DPYSL2: variants seen among roughly 807,000 people sequenced by gnomAD.
The protein encoded by DPYSL2 is dihydropyrimidinase like 2.
DPYSL2 carries 13 observed loss-of-function variants against 69.9 expected under a neutral mutation model. That is an observed-to-expected ratio of 0.19 (90% confidence interval 0.12 to 0.30). DPYSL2 has a LOEUF of 0.30. Ranked by LOEUF, DPYSL2 falls within the 10% of genes least tolerant of loss-of-function variation. DPYSL2 has a pLI of 1.00. For missense variants in DPYSL2, 587 were observed against 918.9 expected, an observed-to-expected ratio of 0.64 and a Z score of 4.67; for synonymous variants, 326 against 359.1, an observed-to-expected ratio of 0.91 and a Z score of 1.04.
chr8:26,626,635 T>G lies in DPYSL2; in HGVS notation c.812T>G (p.Val271Gly). 1 of 1,614,196 alleles carries G rather than the reference T, an allele frequency of 6.2e-7. No individual in the cohort carries two copies. Among genetic ancestry groups the G allele is most frequent in the Non-Finnish European group, 8.5e-7 (1 of 1,180,032 alleles). The change falls in exon 5 of 14, where the codon GTG becomes GGG. Residue 271 changes from valine to glycine, a missense_variant. Transcript: ENST00000521913. The surrounding 1 kb of genome is among the most constrained non-coding windows in gnomAD (Gnocchi z 4.3). ...GCACTAGGGGTAAATTCCTTCCTCGTGTACATGGCTTTCAAAGATCGCTTC... is the reference window on the plus strand; with the variant it reads ...GCACTAGGGGTAAATTCCTTCCTCGGGTACATGGCTTTCAAAGATCGCTTC... ...VKDHGVNSFL[V>G]YMAFKDRFQL...
intron 1 of DPYSL2, among the ~76,000 whole-genome samples, chr8:26,581,767 A>G (rs1658402478): frequency 6.6e-6 from 1 of 152,044 alleles, no homozygotes; most frequent in Admixed American, 6.6e-5. Context: ...ATCTAGGATA[A>G]GCTGTCCCTG....
chr8:26,598,135 T>G lies in DPYSL2; in HGVS notation c.628+14152T>G, dbSNP rs1015261920. Among the ~76,000 whole-genome samples the G allele has an allele frequency of 6.6e-6, 1 of 152,124 alleles. No individual in the cohort carries two copies. ...TGGCAGGGCTTGGACAAATTACATG[T>G]ATGGGGGAGTAGCCCCTTCACCCCA... On this transcript the variant is annotated intron_variant, in intron 3 of 13. Transcript: ENST00000521913. The surrounding 1 kb of genome is among the most constrained non-coding windows in gnomAD (Gnocchi z 4.2).
chr8:26,519,709 C>T (rs1468462899), intron 1 of DPYSL2, among the ~76,000 whole-genome samples: 2 of 151,826 alleles, frequency 1.3e-5, no homozygotes, highest in African/African-American at 2.4e-5. Context: ...GTATTTCTTC[C>T]AATAGTCAAT....
At position 26,580,386 on chromosome 8, in the gene DPYSL2, T is replaced by G. The variant is rs1469324066; in HGVS notation, c.355-1583T>G. ...GCCTCATCTACCTCACAGATTTCTT[T>G]CGAGGCTCTGATGTCATGATGTGCA... On this transcript the variant is annotated intron_variant, in intron 1 of 13. Coordinates refer to ENST00000521913, the MANE Select transcript of DPYSL2 (RefSeq NM_001197293.3). This position sits in a 1 kb window ranked among gnomAD's most constrained non-coding sequence, Gnocchi z 4.1. Among the ~76,000 whole-genome samples, 2 of 152,216 alleles carry G rather than the reference T, an allele frequency of 1.3e-5. No homozygotes were observed. The highest frequency in any genetic ancestry group is 2.9e-5 in the Non-Finnish European group (2 of 68,028).
intron 8 of DPYSL2, among the ~76,000 whole-genome samples, chr8:26,636,028 TGACTTCCAGACGGACCCAGC>T (rs1264226687): frequency 2.0e-5 from 3 of 152,178 alleles, no homozygotes; most frequent in African/African-American, 7.2e-5. Flanking sequence ...CCAGAGATGA[TGACTTCCAGACGGACCCAGC>T]GACTCCTGGC....
At chr8:26,570,843 T>C (rs1263663589) in intron 1 of DPYSL2, among the ~76,000 whole-genome samples, 1 of 152,134 alleles carries the variant, frequency 6.6e-6, no homozygotes, top group African/African-American at 2.4e-5. Context: ...CTTTGTGCTT[T>C]TCTCTCCTCG....
chr8:26,592,711 A>G (rs1585531451), intron 3 of DPYSL2, among the ~76,000 whole-genome samples: 1 of 147,926 alleles, frequency 6.8e-6, no homozygotes, highest in Non-Finnish European at 1.5e-5. Context: ...TCCTGACCTC[A>G]GGTGATCCAC....
At chr8:26,622,090 T>TTTCTTTCCTTCCTTCCTTCC (rs1491209184) in intron 3 of DPYSL2, among the ~76,000 whole-genome samples, 17 of 64,440 alleles carry the variant, frequency 2.6e-4, no homozygotes, top group Non-Finnish European at 4.2e-4. Context: ...TCTTTCTTTC[T>TTTCTTTCCTTCCTTCCTTCC]TTCCTTCCTT....
chr8:26,540,203 G>A (rs1800656612), intron 1 of DPYSL2, among the ~76,000 whole-genome samples: 1 of 152,114 alleles, frequency 6.6e-6, no homozygotes, highest in Admixed American at 6.6e-5. Flanking sequence ...TTCTGGGGCT[G>A]AAGAGTGCAA....
At chr8:26,557,514 T>A (rs1209672545) in intron 1 of DPYSL2, among the ~76,000 whole-genome samples, 1 of 150,746 alleles carries the variant, frequency 6.6e-6, no homozygotes, top group Non-Finnish European at 1.5e-5. Flanking sequence ...CATGGTGGCT[T>A]ATGCCTGTAA....
intron 7 of DPYSL2, 64 bp downstream of exon 7, chr8:26,628,004 G>C: frequency 6.5e-7 from 1 of 1,532,228 alleles, no homozygotes; most frequent in Non-Finnish European, 8.9e-7. Context: ...GAGCCTCAGG[G>C]AACCTGCTTC....
chr8:26,590,736 T>C (rs1801706438), intron 3 of DPYSL2, among the ~76,000 whole-genome samples: 2 of 152,254 alleles, frequency 1.3e-5, no homozygotes, highest in South Asian at 4.1e-4. Context: ...ATCTAATGCC[T>C]GGCACTGAGC....
Position 26,624,365 on chromosome 8 carries a change from G to A in DPYSL2, c.793+58G>A, listed in dbSNP as rs1227218721. On this transcript the variant is annotated intron_variant, in intron 4 of 13. Coordinates refer to ENST00000521913, the MANE Select transcript of DPYSL2 (RefSeq NM_001197293.3). The surrounding 1 kb of genome is among the most constrained non-coding windows in gnomAD (Gnocchi z 4.7). ...TGTTTCCGCTTCAGTCCATCAACTG[G>A]CACAGCCCTGGGAAGAAAGTGATAA... 2 of 1,581,836 alleles carry A rather than the reference G, an allele frequency of 1.3e-6. No homozygotes were observed. Among genetic ancestry groups the A allele is most frequent in the Non-Finnish European group, 1.7e-6 (2 of 1,158,592 alleles).
In DPYSL2 at chr8:26,586,691, C is replaced by T. The variant is rs890555870; in HGVS notation, c.628+2708C>T. 6.6e-6 allele frequency among the ~76,000 whole-genome samples: 1 copy of T among 152,166 alleles called. No homozygotes were observed. The highest frequency in any genetic ancestry group is 1.5e-5 in the Non-Finnish European group (1 of 68,044). ...TTCTGTTTAGGGACGAGGGACATCC[C>T]CCTCTGAGTGCAGCACCTGGCCCAG... On this transcript the variant is annotated intron_variant, in intron 3 of 13. Coordinates refer to ENST00000521913, the MANE Select transcript of DPYSL2 (RefSeq NM_001197293.3). The surrounding 1 kb of genome is among the most constrained non-coding windows in gnomAD (Gnocchi z 4.7).
intron 1 of DPYSL2, among the ~76,000 whole-genome samples, chr8:26,536,264 A>G (rs1190497633): frequency 1.3e-5 from 2 of 151,772 alleles, no homozygotes; most frequent in South Asian, 2.1e-4. Context: ...TTTGGTAGAG[A>G]TGAGGTTTCA....
chr8:26,537,635 A>ACACACACACACACAC (rs1242479473), intron 1 of DPYSL2, among the ~76,000 whole-genome samples: 1 of 24,516 alleles, frequency 4.1e-5, no homozygotes, highest in Non-Finnish European at 1.4e-4. Context: ...CACACACACA[A>ACACACACACACACAC]CTGTATATTT....
rs1585551631 is a variant in DPYSL2 at position 26,620,466 on chromosome 8, G to T, written c.629-3677G>T. ...AGACGAGGTTTCATCATGTTGCCCAGGCTGGTCTCGAACTCCTGGCCTCAA... is the reference window on the plus strand; with the variant it reads ...AGACGAGGTTTCATCATGTTGCCCATGCTGGTCTCGAACTCCTGGCCTCAA... On this transcript the variant is annotated intron_variant, in intron 3 of 13. Transcript: ENST00000521913. The surrounding 1 kb of genome is among the most constrained non-coding windows in gnomAD (Gnocchi z 4.5). Among the ~76,000 whole-genome samples, 5 of 152,122 alleles carry T rather than the reference G, an allele frequency of 3.3e-5. No individual in the cohort carries two copies. In the South Asian group the frequency reaches 1.0e-3, roughly 32 times the overall value.
chr8:26,555,650 C>A (rs556425203), intron 1 of DPYSL2, among the ~76,000 whole-genome samples: 1 of 151,538 alleles, frequency 6.6e-6, no homozygotes, highest in Non-Finnish European at 1.5e-5. Context: ...TCCTAGAGGC[C>A]GAGGCAGGTG....
intron 8 of DPYSL2, 100 bp downstream of exon 8, chr8:26,635,000 A>G: frequency 6.6e-7 from 1 of 1,521,014 alleles, no homozygotes; most frequent in South Asian, 1.2e-5. Context: ...CCTCATGCCA[A>G]GTGGGCCACT....
Sources: gnomAD v4.1 joint callset for allele counts (sites outside exome capture counted in the v4.1 genomes callset) on GRCh38, gnomAD v4.1.1 for gene constraint, Gnocchi (gnomAD v3.1) non-coding constraint, MANE v1.5 for transcripts, NCBI Gene and HGNC (gene_info 2026-07-23, HGNC 2026-07-21) for gene names.